The following ANP32A variants were observed in gnomAD, a reference collection of about 807,000 sequenced individuals.
The protein encoded by ANP32A is acidic nuclear phosphoprotein 32 family member A.
ANP32A carries 1 observed loss-of-function variant against 33.9 expected under a neutral mutation model. The ratio of observed to expected loss-of-function variants is 0.03; its 90% confidence interval spans 0.01 to 0.14. The LOEUF (loss-of-function observed/expected upper bound fraction) is 0.14. Among genes scored for constraint, ANP32A ranks in the 10% least tolerant of loss-of-function variants. The pLI is 1.00. For missense variants in ANP32A, 155 were observed against 306.0 expected (o/e 0.51, Z 3.68); for synonymous variants, 115 against 120.5 (o/e 0.95, Z 0.30).
At chr15:68,817,806 G>C (rs1251684672) in intron 1 of ANP32A, 2 of 152,224 alleles carry the variant, frequency 1.3e-5, no homozygotes, top group South Asian at 2.1e-4. Context: ...AGCACAACTG[G>C]GGGTCCCCAA....
intron 1 of ANP32A, among the ~76,000 whole-genome samples, chr15:68,813,956 G>T (rs1894346344): frequency 1.5e-5 from 2 of 131,120 alleles, no homozygotes; most frequent in Non-Finnish European, 3.1e-5. Flanking sequence ...TGCAAGTTCT[G>T]CCTCCCGGGT....
chr15:68,795,821 T>G (rs1894056707), intron 1 of ANP32A, among the ~76,000 whole-genome samples: 1 of 152,150 alleles, frequency 6.6e-6, no homozygotes, highest in Admixed American at 6.5e-5. Flanking sequence ...TGGTATAGAC[T>G]CCACATCAAG....
chr15:68,805,161 AC>A (rs1358815082), intron 1 of ANP32A, among the ~76,000 whole-genome samples: 1 of 151,992 alleles, frequency 6.6e-6, no homozygotes, highest in Non-Finnish European at 1.5e-5. Flanking sequence ...AAAGCATCTA[AC>A]CCCCTAAACC....
intron 3 of ANP32A, 76 bp downstream of exon 3, chr15:68,787,337 G>A: frequency 6.3e-7 from 1 of 1,590,434 alleles, no homozygotes; most frequent in Non-Finnish European, 8.6e-7. Context: ...AAGGACAAAT[G>A]CAAAAGTAGT....
At chr15:68,816,217 A>G (rs1361102431) in intron 1 of ANP32A, among the ~76,000 whole-genome samples, 1 of 152,178 alleles carries the variant, frequency 6.6e-6, no homozygotes, top group African/African-American at 2.4e-5. Context: ...GCACCACTCC[A>G]AAGCTGGAGA....
intron 4 of ANP32A, among the ~76,000 whole-genome samples, chr15:68,783,375 C>A (rs893671516): frequency 2.0e-5 from 3 of 151,758 alleles, no homozygotes; most frequent in Non-Finnish European, 2.9e-5. Context: ...GCGGCAAGAT[C>A]AAATCAAACT....
At chr15:68,781,478 G>A (rs988450315) in intron 5 of ANP32A, 4 of 151,156 alleles carry the variant, frequency 2.6e-5, no homozygotes, top group African/African-American at 9.8e-5. Flanking sequence ...CCTGTTCTAG[G>A]GGAACCTGTT....
At chr15:68,810,137 G>C (rs1894292615) in intron 1 of ANP32A, among the ~76,000 whole-genome samples, 1 of 152,210 alleles carries the variant, frequency 6.6e-6, no homozygotes, top group Non-Finnish European at 1.5e-5. Flanking sequence ...GGGAGGCCCA[G>C]AGAGAGTGGG....
chr15:68,793,707 T>C (rs1894027412), intron 1 of ANP32A, among the ~76,000 whole-genome samples: 1 of 152,120 alleles, frequency 6.6e-6, no homozygotes, highest in South Asian at 2.1e-4. Context: ...ACGGAGGAGA[T>C]ACACTATATC....
intron 1 of ANP32A, among the ~76,000 whole-genome samples, chr15:68,816,130 A>G (rs917455768): frequency 2.6e-5 from 4 of 152,128 alleles, no homozygotes; most frequent in South Asian, 2.1e-4. Context: ...TGGCCCTCTA[A>G]TATCTCCAAC....
At chr15:68,820,530 T>C (rs1894458366) in intron 1 of ANP32A, among the ~76,000 whole-genome samples, 168 bp downstream of exon 1, 1 of 151,326 alleles carries the variant, frequency 6.6e-6, no homozygotes, top group Non-Finnish European at 1.5e-5. Context: ...CATGCTCGGA[T>C]GGCATTGCAA....
chr15:68,811,063 GAAAAAAA>G (rs34026847), intron 1 of ANP32A, among the ~76,000 whole-genome samples: 1 of 118,006 alleles, frequency 8.5e-6, no homozygotes, highest in African/African-American at 3.3e-5. Context: ...CTCTGTCTGG[GAAAAAAA>G]AAAAAAAAAA....
intron 1 of ANP32A, among the ~76,000 whole-genome samples, chr15:68,795,142 G>A (rs951764287): frequency 2.0e-5 from 3 of 152,088 alleles, no homozygotes; most frequent in African/African-American, 4.8e-5. Context: ...CAGATCACTC[G>A]TGTAGCTTTC....
At chr15:68,796,852 G>T (rs915231848) in intron 1 of ANP32A, among the ~76,000 whole-genome samples, 3 of 152,102 alleles carry the variant, frequency 2.0e-5, no homozygotes, top group Admixed American at 6.5e-5. Context: ...CAGAAATAAG[G>T]TCCCTCTAGT....
chr15:68,794,414 A>G (rs1894036921), intron 1 of ANP32A, among the ~76,000 whole-genome samples: 1 of 152,114 alleles, frequency 6.6e-6, no homozygotes, highest in Non-Finnish European at 1.5e-5. Flanking sequence ...CTTTTCCTTC[A>G]CGGAGCAAGA....
intron 1 of ANP32A, among the ~76,000 whole-genome samples, chr15:68,798,660 G>A (rs968472699): frequency 6.6e-6 from 1 of 152,142 alleles, no homozygotes; most frequent in Non-Finnish European, 1.5e-5. Flanking sequence ...TGAAGCAAGA[G>A]GAAAGAAAGG....
At chr15:68,796,765 A>T (rs1170400702) in intron 1 of ANP32A, among the ~76,000 whole-genome samples, 5 of 152,160 alleles carry the variant, frequency 3.3e-5, no homozygotes, top group African/African-American at 1.2e-4. Flanking sequence ...TTGCTGTGTG[A>T]CCTTCGGGAA....
intron 1 of ANP32A, among the ~76,000 whole-genome samples, chr15:68,819,253 G>T (rs1331187316): frequency 6.6e-6 from 1 of 151,842 alleles, no homozygotes; most frequent in Non-Finnish European, 1.5e-5. Flanking sequence ...CGCGTCCCCG[G>T]TCCCCCCAAG....
At chr15:68,812,416 C>T (rs935750386) in intron 1 of ANP32A, among the ~76,000 whole-genome samples, 5 of 152,104 alleles carry the variant, frequency 3.3e-5, no homozygotes, top group Non-Finnish European at 5.9e-5. Context: ...GCACCAGGAA[C>T]GTTGGAAGGC....
Sources: gnomAD v4.1 joint callset for allele counts (sites outside exome capture counted in the v4.1 genomes callset) on GRCh38, gnomAD v4.1.1 for gene constraint, MANE v1.5 for transcripts, NCBI Gene and HGNC (gene_info 2026-07-23, HGNC 2026-07-21) for gene names.